Variants in DYNAP observed in about 807,000 individuals in gnomAD.
DYNAP encodes dynactin-associated protein.
A neutral mutation model predicts 8.5 loss-of-function variants in DYNAP; 7 were observed. The observed-to-expected ratio is 0.82, with a 90% CI of 0.47 to 1.54. The LOEUF (loss-of-function observed/expected upper bound fraction) is 1.54. Among genes scored for constraint, DYNAP ranks in the 40% most tolerant of loss-of-function variants. The probability of loss-of-function intolerance (pLI) is 0.01; values close to 1 mark genes in which losing one functional copy is unlikely to be tolerated. For missense variants in DYNAP, 256 were observed against 224.3 expected, an observed-to-expected ratio of 1.14 and a Z score of -0.90; for synonymous variants, 77 against 77.9, an observed-to-expected ratio of 0.99 and a Z score of 0.06.
intron 1 of DYNAP, among the ~76,000 whole-genome samples, chr18:54,593,416 T>C (rs1302613854): frequency 6.6e-6 from 1 of 152,112 alleles, no homozygotes; most frequent in Admixed American, 6.6e-5. Flanking sequence ...TTAACACATA[T>C]TCAGTGGGTA....
chr18:54,598,018 G>A lies in DYNAP; in HGVS notation c.428G>A (p.Cys143Tyr), dbSNP rs768459738. 6.2e-7 allele frequency: 1 copy of A among 1,613,456 alleles called. No individual in the cohort carries two copies. Among genetic ancestry groups the A allele is most frequent in the Non-Finnish European group, 8.5e-7 (1 of 1,179,760 alleles). The part of the protein sequence containing the change: ...TVKPGTPSPA[C>Y]PPTMTTTSTV... ...AAACCTGGAACACCCTCTCCTGCTT[G>A]TCCACCTACAATGACCACCACTTCA... The change falls in exon 3 of 3, where the codon TGT becomes TAT. Residue 143 changes from cysteine (C) to tyrosine (Y), a missense_variant. Physicochemically the swap from Cys to Tyr is radical, Grantham distance 194. Transcript: ENST00000648945.
At chr18:54,584,134 C>G (rs184351706), upstream of DYNAP, among the ~76,000 whole-genome samples, 113 of 151,708 alleles carry the variant, frequency 7.4e-4, 1 homozygote, top group African/African-American at 2.5e-3. Flanking sequence ...AGTGAATATT[C>G]ATACAACTTT....
upstream of DYNAP, among the ~76,000 whole-genome samples, chr18:54,586,009 G>T (rs1489369955): frequency 6.6e-6 from 1 of 152,132 alleles, no homozygotes; most frequent in Non-Finnish European, 1.5e-5. Context: ...CCGTTCCTAG[G>T]TTGAGTTGAC....
At chr18:54,594,323 A>C (rs551654990) in intron 1 of DYNAP, among the ~76,000 whole-genome samples, 1 of 152,112 alleles carries the variant, frequency 6.6e-6, no homozygotes, top group Admixed American at 6.6e-5. Context: ...GTTCCATTGG[A>C]TAGAGCATGG....
At chr18:54,579,455 A>G in the DYNAP span, among the ~76,000 whole-genome samples, 1 of 152,342 alleles carries the variant, frequency 6.6e-6, no homozygotes, top group East Asian at 1.9e-4. Flanking sequence ...ATAAGTCAAG[A>G]AAATCTGGTT....
chr18:54,587,560 A>G (rs1265392133), upstream of DYNAP, among the ~76,000 whole-genome samples: 1 of 152,210 alleles, frequency 6.6e-6, no homozygotes, highest in East Asian at 1.9e-4. Flanking sequence ...GTAATTGAAC[A>G]TATAAATAAC....
the DYNAP span, among the ~76,000 whole-genome samples, chr18:54,577,829 C>A: frequency 6.6e-6 from 1 of 151,086 alleles, no homozygotes; most frequent in Non-Finnish European, 1.5e-5. Context: ...TAGCCGGGCA[C>A]GGTGGCAGGT....
At chr18:54,584,517 A>G (rs1167680375), upstream of DYNAP, among the ~76,000 whole-genome samples, 1 of 152,074 alleles carries the variant, frequency 6.6e-6, no homozygotes, top group Non-Finnish European at 1.5e-5. Context: ...AATCTGGGCA[A>G]CTCCACACCT....
chr18:54,585,926 T>A (rs1355554267), upstream of DYNAP, among the ~76,000 whole-genome samples: 1 of 152,158 alleles, frequency 6.6e-6, no homozygotes, highest in African/African-American at 2.4e-5. Context: ...CACTGCCCAC[T>A]GTACACCGAG....
At chr18:54,586,378 T>A (rs1910879527), upstream of DYNAP, among the ~76,000 whole-genome samples, 1 of 152,148 alleles carries the variant, frequency 6.6e-6, no homozygotes, top group Non-Finnish European at 1.5e-5. Context: ...TCAGCAAGGA[T>A]GATGAGACAT....
upstream of DYNAP, among the ~76,000 whole-genome samples, chr18:54,588,283 G>T (rs1482547955): frequency 6.7e-6 from 1 of 149,890 alleles, no homozygotes; most frequent in African/African-American, 2.5e-5. Context: ...TCGGCTCACT[G>T]CAACCTCTGC....
At chr18:54,576,063 G>A in the DYNAP span, among the ~76,000 whole-genome samples, 7 of 152,162 alleles carry the variant, frequency 4.6e-5, no homozygotes, top group South Asian at 2.1e-4. Context: ...GTTGCTGCTT[G>A]TAATAATAGC....
chr18:54,577,847 G>A, the DYNAP span, among the ~76,000 whole-genome samples: 1 of 151,412 alleles, frequency 6.6e-6, no homozygotes. Context: ...GGTGCCTGTA[G>A]TCCCAGCTAC....
intron 1 of DYNAP, among the ~76,000 whole-genome samples, chr18:54,592,655 A>G (rs1383786647): frequency 1.3e-5 from 2 of 152,134 alleles, no homozygotes; most frequent in Non-Finnish European, 2.9e-5. Flanking sequence ...TGTGGCCATT[A>G]TTAGCTAATG....
At chr18:54,595,190 C>T (rs993627688) in intron 2 of DYNAP, 87 bp downstream of exon 2, 5 of 1,334,646 alleles carry the variant, frequency 3.7e-6, no homozygotes, top group Non-Finnish European at 5.0e-6. Flanking sequence ...AAGAAATGTA[C>T]TTAATTACTT....
rs1435973395 is a variant in DYNAP, at chr18:54,594,927, C to G, written c.58-12C>G. 2.5e-6 allele frequency: 4 copies of G among 1,606,222 alleles called. No individual in the cohort carries two copies. The Admixed American group carries it at 6.7e-5, about 27-fold the overall frequency. Reference sequence around the variant, plus strand: ...CCTAGGCTTCCTACTCACTTCCACTCTGCCTTTGTAGCCAATCACACATCC... The same window carrying G: ...CCTAGGCTTCCTACTCACTTCCACTGTGCCTTTGTAGCCAATCACACATCC... On this transcript the variant is annotated splice_polypyrimidine_tract_variant and intron_variant, in intron 1 of 2. Transcript: ENST00000648945.
At chr18:54,582,724 G>A in the DYNAP span, among the ~76,000 whole-genome samples, 1 of 152,250 alleles carries the variant, frequency 6.6e-6, no homozygotes, top group East Asian at 1.9e-4. Context: ...CCAGGACTCG[G>A]ATCAATCCTG....
intron 1 of DYNAP, among the ~76,000 whole-genome samples, chr18:54,594,033 C>T (rs1911187840): frequency 6.6e-6 from 1 of 152,144 alleles, no homozygotes; most frequent in African/African-American, 2.4e-5. Context: ...TCCTTCCCCT[C>T]TTTTAACACA....
At chr18:54,587,219 T>G (rs1332160371), upstream of DYNAP, among the ~76,000 whole-genome samples, 3 of 152,240 alleles carry the variant, frequency 2.0e-5, no homozygotes, top group African/African-American at 7.2e-5. Flanking sequence ...TCCAGCACGA[T>G]GAGAATAAGG....
Sources: allele counts gnomAD v4.1 joint callset (sites outside exome capture counted in the v4.1 genomes callset), GRCh38; gene constraint gnomAD v4.1.1; transcripts MANE v1.5; gene names NCBI Gene and HGNC (gene_info 2026-07-23, HGNC 2026-07-21).